PARD3B: variants seen among roughly 807,000 people sequenced by gnomAD.
PARD3B encodes the protein partitioning defective 3 homolog B.
A neutral mutation model predicts 130.2 loss-of-function variants in PARD3B; 103 were observed. The observed-to-expected ratio is 0.79, with a 90% CI of 0.67 to 0.93. The LOEUF (loss-of-function observed/expected upper bound fraction) is 0.93. Ranked by LOEUF, PARD3B falls within the 40% of genes least tolerant of loss-of-function variation. PARD3B has a pLI of 0.00. For synonymous variants in PARD3B, 583 were observed against 553.2 expected, an observed-to-expected ratio of 1.05 and a Z score of -0.76; for missense variants, 1,609 against 1,499.2, an observed-to-expected ratio of 1.07 and a Z score of -1.21.
intron 19 of PARD3B, among the ~76,000 whole-genome samples, chr2:205,431,627 G>A (rs1012800122): frequency 1.3e-5 from 2 of 151,170 alleles, no homozygotes; most frequent in East Asian, 2.0e-4. Flanking sequence ...CTACCACCAC[G>A]CTCAGCTAAT....
intron 21 of PARD3B, among the ~76,000 whole-genome samples, chr2:205,515,540 A>C (rs2050760405): frequency 7.3e-6 from 1 of 136,246 alleles, no homozygotes; most frequent in African/African-American, 3.0e-5. Flanking sequence ...AGCCATTCTG[A>C]TGGGTGTGAG....
intron 16 of PARD3B, among the ~76,000 whole-genome samples, chr2:205,293,174 A>C (rs568854810): frequency 6.6e-6 from 1 of 152,324 alleles, no homozygotes; most frequent in Admixed American, 6.5e-5. Context: ...ACAATATGTA[A>C]AGATACATTC....
intron 2 of PARD3B, among the ~76,000 whole-genome samples, chr2:204,934,700 T>C (rs546790654): frequency 6.6e-6 from 1 of 152,300 alleles, no homozygotes; most frequent in Non-Finnish European, 1.5e-5. Flanking sequence ...CACACTAACA[T>C]GTAAAACTAG....
intron 19 of PARD3B, among the ~76,000 whole-genome samples, chr2:205,417,746 C>G (rs969527514): frequency 3.3e-5 from 5 of 152,186 alleles, no homozygotes; most frequent in African/African-American, 1.2e-4. Context: ...TCAATCCAGC[C>G]CCCTTAACCT....
rs913354149 is a variant in PARD3B, at chr2:204,943,234, C to T, written c.223-21918C>T. Among the ~76,000 whole-genome samples, 2 of 151,858 alleles carry T rather than the reference C, an allele frequency of 1.3e-5. No individual in the cohort carries two copies. Among genetic ancestry groups the T allele is most frequent in the Non-Finnish European group, 2.9e-5 (2 of 67,982 alleles). On this transcript the variant is annotated intron_variant, in intron 2 of 22. Transcript: ENST00000406610. This position sits in a 1 kb window ranked among gnomAD's most constrained non-coding sequence, Gnocchi z 4.2. Reference sequence around the variant, plus strand: ...ATATGTTAATTTTCATAGATCCAAACAGTTTCTCTCTGCTTTTCTCAAACC... The same window carrying T: ...ATATGTTAATTTTCATAGATCCAAATAGTTTCTCTCTGCTTTTCTCAAACC...
At chr2:205,355,669 A>T (rs1470323883) in intron 18 of PARD3B, among the ~76,000 whole-genome samples, 1 of 152,128 alleles carries the variant, frequency 6.6e-6, no homozygotes, top group African/African-American at 2.4e-5. Flanking sequence ...TAATTTGCAT[A>T]TTATATTAGT....
intron 18 of PARD3B, among the ~76,000 whole-genome samples, chr2:205,324,608 C>G (rs2042874648): frequency 1.3e-5 from 2 of 152,138 alleles, no homozygotes; most frequent in South Asian, 4.1e-4. Flanking sequence ...CTTCCTCCTT[C>G]TTGACACTAT....
chr2:205,488,397 G>A (rs775720201), intron 20 of PARD3B, among the ~76,000 whole-genome samples: 1 of 152,142 alleles, frequency 6.6e-6, no homozygotes, highest in Non-Finnish European at 1.5e-5. Context: ...CCACTGATCT[G>A]ACAGGAGGCA....
At chr2:205,094,097 G>A (rs528073991) in intron 4 of PARD3B, among the ~76,000 whole-genome samples, 84 of 152,226 alleles carry the variant, frequency 5.5e-4, no homozygotes, top group Non-Finnish European at 1.1e-3. Context: ...CTTCACATAA[G>A]TCATGGTAAG....
rs2039948476 is a variant in PARD3B at position 205,253,563 on chromosome 2, C to G, written c.2185+7741C>G. On this transcript the variant is annotated intron_variant, in intron 16 of 22. Coordinates refer to ENST00000406610, the MANE Select transcript of PARD3B (RefSeq NM_001302769.2). This position sits in a 1 kb window ranked among gnomAD's most constrained non-coding sequence, Gnocchi z 4.4. Reference sequence around the variant, plus strand: ...CCCCACAGCCTGGAGCCTCCCCTGCCTCCTCTGCCTCTTCAGAGCCCAGCA... The same window carrying G: ...CCCCACAGCCTGGAGCCTCCCCTGCGTCCTCTGCCTCTTCAGAGCCCAGCA... 1 of 479,052 alleles carries G rather than the reference C, an allele frequency of 2.1e-6. No individual in the cohort carries two copies. The highest frequency in any genetic ancestry group is 4.2e-6 in the Non-Finnish European group (1 of 235,960). 29.7% of individuals were successfully genotyped at this position (479,052 alleles called of 1,614,324 possible).
At chr2:205,396,752 A>C (rs2046045063) in intron 18 of PARD3B, among the ~76,000 whole-genome samples, 2 of 152,216 alleles carry the variant, frequency 1.3e-5, no homozygotes. Flanking sequence ...CAGAATTGCC[A>C]ACTCTCAAAT....
At chr2:204,987,868 T>C (rs891738695) in intron 3 of PARD3B, among the ~76,000 whole-genome samples, 2 of 152,140 alleles carry the variant, frequency 1.3e-5, no homozygotes, top group Non-Finnish European at 2.9e-5. Context: ...TGGGGGGAAT[T>C]CATGGGTTTG....
chr2:204,954,669 T>C (rs748829802), intron 2 of PARD3B, among the ~76,000 whole-genome samples: 2 of 152,160 alleles, frequency 1.3e-5, no homozygotes, highest in African/African-American at 4.8e-5. Context: ...TCAAAACTTG[T>C]GTTATAGGCT....
At chr2:205,403,910 A>G (rs560573554) in intron 19 of PARD3B, among the ~76,000 whole-genome samples, 2 of 150,666 alleles carry the variant, frequency 1.3e-5, no homozygotes, top group South Asian at 4.3e-4. Context: ...TTACTGGTAC[A>G]ATCTTTTGTA....
At chr2:205,306,013 T>G (rs184199011) in intron 18 of PARD3B, among the ~76,000 whole-genome samples, 40 of 152,294 alleles carry the variant, frequency 2.6e-4, no homozygotes, top group African/African-American at 9.1e-4. Flanking sequence ...TTATCCTGCA[T>G]TTTCCCCAAT....
intron 19 of PARD3B, among the ~76,000 whole-genome samples, chr2:205,430,378 TCTAA>T (rs1319142764): frequency 3.3e-5 from 5 of 152,172 alleles, no homozygotes; most frequent in Non-Finnish European, 7.4e-5. Flanking sequence ...AAATGTTGAA[TCTAA>T]CTAAGCCTCC....
At chr2:205,607,086 C>A (rs1463325708) in intron 22 of PARD3B, among the ~76,000 whole-genome samples, 1 of 152,152 alleles carries the variant, frequency 6.6e-6, no homozygotes, top group Non-Finnish European at 1.5e-5. Flanking sequence ...GTTTGATTTT[C>A]ATAAAGGGCA....
rs374749040 is a variant in PARD3B at position 204,686,123 on chromosome 2, A to C, written c.121-58A>C. ...TTAACTTATGTCTCTTAACATTAAAATGTGTTTAACTTTTTAACATAGATT... is the reference window on the plus strand; with the variant it reads ...TTAACTTATGTCTCTTAACATTAAACTGTGTTTAACTTTTTAACATAGATT... On this transcript the variant is annotated intron_variant, in intron 1 of 22. Coordinates refer to ENST00000406610, the MANE Select transcript of PARD3B (RefSeq NM_001302769.2). 84 of 1,193,518 alleles carry C rather than the reference A, an allele frequency of 7.0e-5. No individual in the cohort carries two copies. In the East Asian group the frequency reaches 1.6e-3, roughly 23 times the overall value. The allele number at this position is 1,193,518 out of a possible 1,614,324, so 73.9% of individuals were successfully genotyped here. A position where few individuals can be genotyped will look rare whatever the true frequency, so the allele number is the denominator to read the frequency against.
At chr2:204,773,790 CCTCTT>C (rs2041494971) in intron 2 of PARD3B, among the ~76,000 whole-genome samples, 1 of 152,032 alleles carries the variant, frequency 6.6e-6, no homozygotes, top group Non-Finnish European at 1.5e-5. Context: ...ACCCTGACTT[CCTCTT>C]CTCTTCCACG....
Sources: allele counts gnomAD v4.1 joint callset (sites outside exome capture counted in the v4.1 genomes callset), GRCh38; gene constraint gnomAD v4.1.1; non-coding constraint Gnocchi (gnomAD v3.1); transcripts MANE v1.5; gene names NCBI Gene and HGNC (gene_info 2026-07-23, HGNC 2026-07-21).